Variants in AK9 observed in about 807,000 individuals in gnomAD.
AK9 encodes the protein adenylate kinase 9.
Under a neutral mutation model 239.6 loss-of-function variants are expected in AK9, and 191 were observed. The ratio of observed to expected loss-of-function variants is 0.80; its 90% CI spans 0.71 to 0.90. AK9 has a LOEUF of 0.90. Among genes scored for constraint, AK9 ranks in the 40% least tolerant of loss-of-function variants. AK9 has a pLI of 0.00. For missense variants in AK9, 1,995 were observed against 2,214.7 expected, an observed-to-expected ratio of 0.90 and a Z score of 1.99; for synonymous variants, 689 against 721.0, an observed-to-expected ratio of 0.96 and a Z score of 0.71.
At chr6:109,569,761 A>AT (rs1170132667) in intron 21 of AK9, among the ~76,000 whole-genome samples, 6 of 152,298 alleles carry the variant, frequency 3.9e-5, no homozygotes, top group Admixed American at 3.9e-4. Flanking sequence ...AATGGCAATC[A>AT]TTAAAAAGTC....
At chr6:109,654,791 C>T (rs1799457575) in intron 8 of AK9, among the ~76,000 whole-genome samples, 1 of 152,164 alleles carries the variant, frequency 6.6e-6, no homozygotes. Flanking sequence ...TGGCTTAGCC[C>T]TGAAGCAGTT....
chr6:109,513,679 G>A (rs1778974919), intron 32 of AK9, among the ~76,000 whole-genome samples: 1 of 152,170 alleles, frequency 6.6e-6, no homozygotes, highest in Non-Finnish European at 1.5e-5. Context: ...AAATAAGCCT[G>A]AATCAGGCTG....
intron 8 of AK9, among the ~76,000 whole-genome samples, chr6:109,649,678 C>A (rs942306377): frequency 1.3e-5 from 2 of 152,140 alleles, no homozygotes; most frequent in Admixed American, 1.3e-4. Context: ...TTTATAGATT[C>A]AATGCCATCC....
At chr6:109,532,419 A>AC (rs1401168863) in intron 28 of AK9, among the ~76,000 whole-genome samples, 1 of 151,942 alleles carries the variant, frequency 6.6e-6, no homozygotes, top group Non-Finnish European at 1.5e-5. Flanking sequence ...CTAGGTCCAG[A>AC]CTCAAAAGCC....
chr6:109,516,588 CATT>C lies in AK9; in HGVS notation c.3685_3687del (p.Asn1229del), dbSNP rs371279643. ...TCTTCAAGGATGTTTTCAATATCAT[CATT>C]GTCTTCTTCAAGTTCTTCCTCACTA... On this transcript the variant is annotated inframe_deletion, in exon 30 of 41. Coordinates refer to ENST00000424296, the MANE Select transcript of AK9 (RefSeq NM_001145128.3). 16 of 1,550,800 alleles carry C rather than the reference CATT, an allele frequency of 1.0e-5. No homozygotes were observed. Among genetic ancestry groups the C allele is most frequent in the Middle Eastern group, 1.7e-4 (1 of 6,014 alleles).
At chr6:109,511,289 T>G (rs1778720521) in intron 32 of AK9, among the ~76,000 whole-genome samples, 2 of 152,206 alleles carry the variant, frequency 1.3e-5, no homozygotes, top group South Asian at 4.1e-4. Context: ...CCCTATACAG[T>G]TAGATCTCAG....
chr6:109,540,392 C>A (rs1782706627), intron 27 of AK9, among the ~76,000 whole-genome samples: 1 of 152,150 alleles, frequency 6.6e-6, no homozygotes, highest in African/African-American at 2.4e-5. Flanking sequence ...GGGTGTGGGA[C>A]CCTCTGAGTC....
At chr6:109,600,325 A>G (rs1046669015) in intron 17 of AK9, among the ~76,000 whole-genome samples, 6 of 152,186 alleles carry the variant, frequency 3.9e-5, no homozygotes, top group Non-Finnish European at 8.8e-5. Flanking sequence ...TTCCGCATCT[A>G]TTGAGATAAT....
chr6:109,610,642 G>C, intron 16 of AK9, 129 bp from the exon 17 acceptor site: 1 of 1,015,214 alleles, frequency 9.9e-7, no homozygotes, highest in Non-Finnish European at 1.4e-6. Flanking sequence ...AGCACATGTT[G>C]GAAGGAGGGA....
chr6:109,552,753 G>A (rs1784517072), intron 24 of AK9, among the ~76,000 whole-genome samples: 2 of 152,064 alleles, frequency 1.3e-5, no homozygotes, highest in Non-Finnish European at 2.9e-5. Context: ...ATTGCTTTTG[G>A]CATTTTTGTC....
At chr6:109,612,864 T>G (rs1793736625) in intron 15 of AK9, among the ~76,000 whole-genome samples, 1 of 150,962 alleles carries the variant, frequency 6.6e-6, no homozygotes, top group Non-Finnish European at 1.5e-5. Flanking sequence ...TGTAAGTTTA[T>G]ATATATAAAC....
intron 6 of AK9, among the ~76,000 whole-genome samples, chr6:109,662,085 T>C (rs1800498404): frequency 1.3e-5 from 2 of 152,204 alleles, no homozygotes. Context: ...TTGATGTTTA[T>C]ATGAGCAAGA....
At chr6:109,614,323 T>C (rs1793909258) in intron 14 of AK9, 27 bp from the exon 15 acceptor site, 1 of 1,547,860 alleles carries the variant, frequency 6.5e-7, no homozygotes, top group Non-Finnish European at 8.7e-7. Flanking sequence ...ATATACTTTA[T>C]CAGCTAATCT....
intron 12 of AK9, among the ~76,000 whole-genome samples, chr6:109,622,242 T>C (rs1224260199): frequency 6.9e-6 from 1 of 144,802 alleles, no homozygotes; most frequent in African/African-American, 2.5e-5. Context: ...CATATTATAT[T>C]ATATATTATG....
At chr6:109,523,265 T>A (rs1164745992) in intron 29 of AK9, among the ~76,000 whole-genome samples, 2 of 152,142 alleles carry the variant, frequency 1.3e-5, no homozygotes, top group African/African-American at 4.8e-5. Flanking sequence ...GGTTAATTCT[T>A]CCTAGGGAAA....
At chr6:109,634,022 T>G in intron 10 of AK9, among the ~76,000 whole-genome samples, 1 of 152,176 alleles carries the variant, frequency 6.6e-6, no homozygotes, top group South Asian at 2.1e-4. Flanking sequence ...TACCAGGGGA[T>G]GAGAAAACTG....
At chr6:109,511,938 C>T (rs1163725753) in intron 32 of AK9, among the ~76,000 whole-genome samples, 1 of 152,168 alleles carries the variant, frequency 6.6e-6, no homozygotes, top group East Asian at 1.9e-4. Context: ...GTTCTGCTGT[C>T]TTTGGAAAAT....
chr6:109,529,243 T>C (rs1780924621), intron 28 of AK9, among the ~76,000 whole-genome samples, 170 bp from the exon 29 acceptor site: 1 of 152,180 alleles, frequency 6.6e-6, no homozygotes, highest in Non-Finnish European at 1.5e-5. Context: ...TGCATCCTTG[T>C]ACCTCTGAAC....
At chr6:109,632,476 G>T in intron 12 of AK9, 2 of 346,378 alleles carry the variant, frequency 5.8e-6, no homozygotes, top group Non-Finnish European at 8.1e-6. Flanking sequence ...CATTTACTGA[G>T]AGTGGAGAAC....
Sources: allele counts gnomAD v4.1 joint callset (sites outside exome capture counted in the v4.1 genomes callset), GRCh38; gene constraint gnomAD v4.1.1; transcripts MANE v1.5; gene names NCBI Gene and HGNC (gene_info 2026-07-23, HGNC 2026-07-21).